The following ANXA3 variants were observed in gnomAD, a reference collection of about 807,000 sequenced individuals.
ANXA3 encodes the protein annexin A3.
A neutral mutation model predicts 48.8 loss-of-function variants in ANXA3; 46 were observed. That is an observed-to-expected ratio of 0.94 (90% confidence interval 0.74 to 1.21). ANXA3 has a LOEUF of 1.21. Among genes scored for constraint, ANXA3 ranks in the 50% most tolerant of loss-of-function variants. The pLI is 0.00. For missense variants in ANXA3, 383 were observed against 378.6 expected (o/e 1.01, Z -0.10); for synonymous variants, 128 against 134.7 (o/e 0.95, Z 0.35).
At position 78,553,471 on chromosome 4, in the gene ANXA3, A is replaced by G. The variant is rs116965345; in HGVS notation, c.-38-965A>G. 8.1e-3 allele frequency among the ~76,000 whole-genome samples: 1,238 copies of G among 152,312 alleles called. 27 individuals are homozygous for G. The highest frequency in any genetic ancestry group is 0.053 in the Admixed American group (807 of 15,296). On this transcript the variant is annotated intron_variant, in intron 1 of 12. Coordinates refer to ENST00000264908, the MANE Select transcript of ANXA3 (RefSeq NM_005139.3). ...TTACAGATGAGGAAATTGAGGCCCA[A>G]AGAAATTGTGTTTAGCTTTAAGAGG...
chr4:78,554,588 G>GT (rs1412091180), intron 2 of ANXA3, 100 bp downstream of exon 2: 1 of 1,031,174 alleles, frequency 9.7e-7, no homozygotes, highest in East Asian at 2.4e-5. Context: ...AAGTTTTTAA[G>GT]TTTATCTGGC....
intron 2 of ANXA3, among the ~76,000 whole-genome samples, chr4:78,560,216 C>A (rs141217884): frequency 6.6e-6 from 1 of 152,322 alleles, no homozygotes; most frequent in African/African-American, 2.4e-5. Flanking sequence ...ACTAACTACC[C>A]AGCATTAGCA....
At position 78,583,237 on chromosome 4, in the gene ANXA3, G is replaced by A. The variant is rs1723109094; in HGVS notation, c.312+947G>A. Among the ~76,000 whole-genome samples the A allele has an allele frequency of 3.3e-5, 5 of 152,272 alleles. No individual in the cohort carries two copies. In the South Asian group the frequency reaches 1.0e-3, roughly 32 times the overall value. ...CATTCCTGTAGTCCCAGCTACTTGG[G>A]AGGCTGTGGTGGGAGGATCACCTGA... On this transcript the variant is annotated intron_variant, in intron 5 of 12. Coordinates refer to ENST00000264908, the MANE Select transcript of ANXA3 (RefSeq NM_005139.3).
At chr4:78,591,934 A>G (rs1042788464) in intron 7 of ANXA3, among the ~76,000 whole-genome samples, 2 of 152,224 alleles carry the variant, frequency 1.3e-5, no homozygotes, top group East Asian at 3.8e-4. Context: ...ATTTATTTCC[A>G]TTATAAGTGT....
At chr4:78,606,890 C>T (rs1324315140) in intron 12 of ANXA3, among the ~76,000 whole-genome samples, 1 of 152,206 alleles carries the variant, frequency 6.6e-6, no homozygotes, top group African/African-American at 2.4e-5. Context: ...ATCAACTGCT[C>T]ACACTCAATT....
chr4:78,573,719 G>A (rs538732548), intron 3 of ANXA3, among the ~76,000 whole-genome samples: 6 of 152,224 alleles, frequency 3.9e-5, no homozygotes, highest in Non-Finnish European at 7.3e-5. Context: ...TTTAACCAAG[G>A]GGTGGAATAG....
chr4:78,582,072 C>A (rs942070403), intron 4 of ANXA3, 105 bp from the exon 5 acceptor site: 2 of 657,420 alleles, frequency 3.0e-6, no homozygotes, highest in African/African-American at 3.6e-5. Flanking sequence ...TGTGGATGGA[C>A]ATGTTTTGTC....
chr4:78,560,798 C>T (rs1240408809), intron 2 of ANXA3, among the ~76,000 whole-genome samples: 1 of 152,152 alleles, frequency 6.6e-6, no homozygotes, highest in Non-Finnish European at 1.5e-5. Flanking sequence ...ACTCCTATCA[C>T]TCAGGAAATT....
chr4:78,560,450 G>A (rs569750275), intron 2 of ANXA3, among the ~76,000 whole-genome samples: 1 of 152,194 alleles, frequency 6.6e-6, no homozygotes, highest in African/African-American at 2.4e-5. Context: ...CCATGGGCAA[G>A]CTCTGGAAGG....
intron 2 of ANXA3, among the ~76,000 whole-genome samples, chr4:78,564,947 A>C (rs1345208288): frequency 2.0e-5 from 3 of 151,088 alleles, no homozygotes; most frequent in Non-Finnish European, 4.4e-5. Context: ...AGGAGTTTGG[A>C]CTCTATTCAG....
At position 78,573,185 on chromosome 4, in the gene ANXA3, A is replaced by T. The variant is rs761166138; in HGVS notation, c.21A>T (p.Gly7=). MASIWV[G]HRGTVRDYPD... ...TTTCAAGTATTTCCTTCTAGGTTGG[A>T]CACCGAGGAACAGTAAGAGATTATC... The change falls in exon 3 of 13, where the codon GGA becomes GGT. Residue 7 remains glycine, a synonymous_variant. Transcript: ENST00000264908. 1 of 1,611,034 alleles carries T rather than the reference A, an allele frequency of 6.2e-7. No individual in the cohort carries two copies. Among genetic ancestry groups the T allele is most frequent in the East Asian group, 2.2e-5 (1 of 44,858 alleles).
At chr4:78,595,541 T>A in intron 8 of ANXA3, 104 bp downstream of exon 8, 1 of 342,500 alleles carries the variant, frequency 2.9e-6, no homozygotes, top group Non-Finnish European at 4.3e-6. Flanking sequence ...GGGACTTTTC[T>A]TTTTTTTTTT....
At chr4:78,607,997 A>G (rs1723686861) in intron 12 of ANXA3, among the ~76,000 whole-genome samples, 1 of 152,192 alleles carries the variant, frequency 6.6e-6, no homozygotes, top group African/African-American at 2.4e-5. Context: ...GAATATTGAG[A>G]AATAAAATCC....
At position 78,591,619 on chromosome 4, in the gene ANXA3, C is replaced by G. The variant is rs1723297493; in HGVS notation, c.479C>G (p.Ala160Gly). ...GDFRKALLTLADGRRDESLKV... is the reference protein window; with the variant it reads ...GDFRKALLTLGDGRRDESLKV... ...TTCCGGAAAGCTCTGTTGACTTTGG[C>G]AGATGTAAGGTTTTATTTTTTATTT... The change falls in exon 7 of 13, where the codon GCA becomes GGA. Residue 160 changes from alanine to glycine, a missense_variant. By Grantham distance (60) the Ala-to-Gly change is moderately conservative. Transcript: ENST00000264908. The G allele has an allele frequency of 6.2e-7, 1 of 1,611,890 alleles. No homozygotes were observed. Among genetic ancestry groups the G allele is most frequent in the Admixed American group, 1.7e-5 (1 of 59,950 alleles).
intron 6 of ANXA3, among the ~76,000 whole-genome samples, chr4:78,590,498 A>G (rs902507725): frequency 3.9e-5 from 6 of 152,216 alleles, no homozygotes; most frequent in Admixed American, 1.3e-4. Flanking sequence ...GCTAATTTAT[A>G]GAATTCTTGA....
rs1578400845 is a variant in ANXA3, at chr4:78,591,545, A to G, written c.405A>G (p.Val135=). Residue 135 remains valine, a splice_region_variant and synonymous_variant, in exon 7 of 13, where the codon GTA becomes GTG. Coordinates refer to ENST00000264908, the MANE Select transcript of ANXA3 (RefSeq NM_005139.3). ...MKDISQAYYT[V]YKKSLGDDIS... Reference sequence around the variant, plus strand: ...AATTTCATTCTGATTTGGTTTCAGTATACAAGAAGAGTCTTGGAGATGACA... The same window carrying G: ...AATTTCATTCTGATTTGGTTTCAGTGTACAAGAAGAGTCTTGGAGATGACA... 6.2e-7 allele frequency: 1 copy of G among 1,608,048 alleles called. No homozygotes were observed. The highest frequency in any genetic ancestry group is 8.5e-7 in the Non-Finnish European group (1 of 1,175,476).
At chr4:78,585,590 G>A (rs1038484842) in intron 5 of ANXA3, among the ~76,000 whole-genome samples, 2 of 152,156 alleles carry the variant, frequency 1.3e-5, no homozygotes, top group African/African-American at 4.8e-5. Flanking sequence ...TAAAAGTTGG[G>A]GGTTCCATTA....
chr4:78,575,875 C>G (rs1722940881), intron 3 of ANXA3, among the ~76,000 whole-genome samples: 1 of 151,554 alleles, frequency 6.6e-6, no homozygotes, highest in Non-Finnish European at 1.5e-5. Flanking sequence ...GATCTTAAAT[C>G]TACATGGAAT....
In ANXA3 at chr4:78,578,196, G is replaced by A. The variant is rs566218433; in HGVS notation, c.104-831G>A. Among the ~76,000 whole-genome samples the A allele has an allele frequency of 5.9e-5, 9 of 151,646 alleles. No homozygotes were observed. The South Asian group carries it at 6.3e-4, about 11-fold the overall frequency. ...CTTGGGAGACTGAGGCAGGAGAATC[G>A]CTTGAACCCGGGAGGTGGTGGTTGC... On this transcript the variant is annotated intron_variant, in intron 3 of 12. Coordinates refer to ENST00000264908, the MANE Select transcript of ANXA3 (RefSeq NM_005139.3).
Sources: allele counts gnomAD v4.1 joint callset (sites outside exome capture counted in the v4.1 genomes callset), GRCh38; gene constraint gnomAD v4.1.1; transcripts MANE v1.5; gene names NCBI Gene and HGNC (gene_info 2026-07-23, HGNC 2026-07-21).